The following RHOU variants were observed in gnomAD, a reference collection of about 807,000 sequenced individuals.
RHOU encodes the protein ras homolog family member U.
In RHOU, 8 loss-of-function variants were observed where a neutral mutation model predicts 12.6. The observed-to-expected ratio is 0.64, with a 90% CI of 0.37 to 1.15. RHOU has a LOEUF of 1.15. Among genes scored for constraint, RHOU ranks in the 50% most tolerant of loss-of-function variants. The pLI, the probability that RHOU is intolerant of heterozygous loss-of-function variation, is 0.01. For missense variants in RHOU, 258 were observed against 347.0 expected (o/e 0.74, Z 2.04); for synonymous variants, 161 against 147.4 (o/e 1.09, Z -0.67).
chr1:228,712,364 T>A, the RHOU span, among the ~76,000 whole-genome samples: 1 of 150,770 alleles, frequency 6.6e-6, no homozygotes, highest in African/African-American at 2.5e-5. Flanking sequence ...TGCACATGTA[T>A]GTTTATTGCG....
In RHOU at chr1:228,738,431, G is replaced by A. The variant is rs1175455286; in HGVS notation, c.321+700G>A. 6.6e-6 allele frequency among the ~76,000 whole-genome samples: 1 copy of A among 152,202 alleles called. No homozygotes were observed. The highest frequency in any genetic ancestry group is 6.5e-5 in the Admixed American group (1 of 15,286). On this transcript the variant is annotated intron_variant, in intron 2 of 2. Transcript: ENST00000366691. The surrounding 1 kb of genome is among the most constrained non-coding windows in gnomAD (Gnocchi z 4.2). Reference sequence around the variant, plus strand: ...GTACTCGAGTCATTGAAGTCAGGCTGTGCCTTGTGAACACCCAGGGGTACT... The same window carrying A: ...GTACTCGAGTCATTGAAGTCAGGCTATGCCTTGTGAACACCCAGGGGTACT...
the RHOU span, among the ~76,000 whole-genome samples, chr1:228,663,625 CTTTTTTTTT>C: frequency 1.3e-3 from 74 of 58,768 alleles, no homozygotes; most frequent in Admixed American, 5.7e-3. Flanking sequence ...CTTTTCTTTT[CTTTTTTTTT>C]TTTTTTTTTT....
the RHOU span, among the ~76,000 whole-genome samples, chr1:228,715,399 T>C: frequency 6.6e-6 from 1 of 152,170 alleles, no homozygotes; most frequent in African/African-American, 2.4e-5. Flanking sequence ...GCTTTTACAT[T>C]TCTAGGTGAA....
At chr1:228,682,036 A>T in the RHOU span, among the ~76,000 whole-genome samples, 3 of 152,216 alleles carry the variant, frequency 2.0e-5, no homozygotes, top group African/African-American at 7.2e-5. Flanking sequence ...CAATGATTAA[A>T]CACCAAGGGT....
the RHOU span, among the ~76,000 whole-genome samples, chr1:228,714,508 T>A: frequency 1.3e-5 from 2 of 152,144 alleles, no homozygotes; most frequent in African/African-American, 4.8e-5. Context: ...TACTAATCTG[T>A]TTAAGCTATG....
the RHOU span, among the ~76,000 whole-genome samples, chr1:228,700,315 A>G: frequency 1.3e-5 from 2 of 152,212 alleles, no homozygotes; most frequent in Non-Finnish European, 2.9e-5. Flanking sequence ...AAAATCTGGC[A>G]AAGTATTTTC....
chr1:228,705,922 G>A, the RHOU span, among the ~76,000 whole-genome samples: 1 of 152,184 alleles, frequency 6.6e-6, no homozygotes, highest in African/African-American at 2.4e-5. Flanking sequence ...GCACATGCCT[G>A]TAATGCCAGC....
At chr1:228,719,001 G>C in the RHOU span, among the ~76,000 whole-genome samples, 1 of 152,156 alleles carries the variant, frequency 6.6e-6, no homozygotes, top group Non-Finnish European at 1.5e-5. Context: ...CGTCTAAAAG[G>C]TTTGAAATTT....
the RHOU span, among the ~76,000 whole-genome samples, chr1:228,718,508 T>C: frequency 0.016 from 2,418 of 152,278 alleles, 60 homozygotes; most frequent in African/African-American, 0.055. Context: ...GTCTTAGATA[T>C]GCCCTTTGCC....
chr1:228,696,221 A>G, the RHOU span, among the ~76,000 whole-genome samples: 1 of 151,160 alleles, frequency 6.6e-6, no homozygotes, highest in African/African-American at 2.4e-5. Context: ...TGTATATGAA[A>G]GGTATACAAT....
chr1:228,699,721 AC>A, the RHOU span, among the ~76,000 whole-genome samples: 2 of 151,392 alleles, frequency 1.3e-5, no homozygotes, highest in Admixed American at 1.3e-4. Flanking sequence ...GTCTAGTGAA[AC>A]AAGTACCTTT....
At chr1:228,649,952 C>T in the RHOU span, among the ~76,000 whole-genome samples, 2 of 152,236 alleles carry the variant, frequency 1.3e-5, no homozygotes, top group South Asian at 4.1e-4. Context: ...CACAAAATAA[C>T]CAGTTTCTTG....
the RHOU span, among the ~76,000 whole-genome samples, chr1:228,675,216 C>T: frequency 6.6e-6 from 1 of 152,118 alleles, no homozygotes; most frequent in Non-Finnish European, 1.5e-5. Flanking sequence ...TGCAGTGTCT[C>T]CTATCACAGA....
At chr1:228,736,082 C>T in intron 1 of RHOU, 78 bp downstream of exon 1, 1 of 1,452,142 alleles carries the variant, frequency 6.9e-7, no homozygotes, top group African/African-American at 1.5e-5. Context: ...GCGAGGGTCG[C>T]GAGGTTCCCA....
At chr1:228,713,988 G>A in the RHOU span, among the ~76,000 whole-genome samples, 1 of 152,118 alleles carries the variant, frequency 6.6e-6, no homozygotes, top group African/African-American at 2.4e-5. Context: ...AGTGGAGGAA[G>A]ACCAGTTTGA....
chr1:228,675,009 G>A, the RHOU span, among the ~76,000 whole-genome samples: 1 of 152,056 alleles, frequency 6.6e-6, no homozygotes, highest in African/African-American at 2.4e-5. Context: ...GATTACAGGC[G>A]TGAGCCACCG....
the RHOU span, among the ~76,000 whole-genome samples, chr1:228,692,856 A>C: frequency 1.3e-5 from 2 of 152,214 alleles, no homozygotes; most frequent in South Asian, 4.1e-4. Flanking sequence ...TTTACATAAC[A>C]AAACAGTTGT....
the RHOU span, among the ~76,000 whole-genome samples, chr1:228,676,413 T>TTACTGAGATCCTAGCAC: frequency 6.6e-6 from 1 of 152,134 alleles, no homozygotes; most frequent in Admixed American, 6.6e-5. Flanking sequence ...GCACTTTGGA[T>TTACTGAGATCCTAGCAC]TTTGGGAGGC....
At chr1:228,681,308 A>G in the RHOU span, among the ~76,000 whole-genome samples, 1 of 152,118 alleles carries the variant, frequency 6.6e-6, no homozygotes, top group Non-Finnish European at 1.5e-5. Flanking sequence ...AGTTAATAGA[A>G]GGGTTATAGG....
Sources: gnomAD v4.1 joint callset for allele counts (sites outside exome capture counted in the v4.1 genomes callset) on GRCh38, gnomAD v4.1.1 for gene constraint, Gnocchi (gnomAD v3.1) non-coding constraint, MANE v1.5 for transcripts, NCBI Gene and HGNC (gene_info 2026-07-23, HGNC 2026-07-21) for gene names.